Variants in SNX8 observed in about 807,000 individuals in gnomAD.
SNX8 encodes sorting nexin-8.
Under a neutral mutation model 51.6 loss-of-function variants are expected in SNX8, and 25 were observed. The ratio of observed to expected loss-of-function variants is 0.48; its 90% CI spans 0.35 to 0.68. The LOEUF is 0.68. Ranked by LOEUF, SNX8 falls within the 30% of genes least tolerant of loss-of-function variation. SNX8 has a pLI of 0.00. For missense variants in SNX8, 695 were observed against 624.0 expected (o/e 1.11, Z -1.21); for synonymous variants, 324 against 277.0 (o/e 1.17, Z -1.68).
chr7:2,279,352 C>T (rs1795858081), intron 1 of SNX8, among the ~76,000 whole-genome samples: 1 of 151,972 alleles, frequency 6.6e-6, no homozygotes, highest in Non-Finnish European at 1.5e-5. Flanking sequence ...ACTACGGAGT[C>T]GACGCTGGAC....
intron 4 of SNX8, 49 bp downstream of exon 4, chr7:2,271,801 G>A: frequency 6.4e-7 from 1 of 1,557,500 alleles, no homozygotes; most frequent in African/African-American, 1.4e-5. Context: ...GGGTCCGGAG[G>A]CTCGGGGACT....
At chr7:2,314,492 G>T (rs965791130), upstream of SNX8, 89 of 1,164,540 alleles carry the variant, frequency 7.6e-5, no homozygotes, top group Non-Finnish European at 8.8e-5. Flanking sequence ...CCGCGCCCTC[G>T]CCCCGCCCAC....
intron 10 of SNX8, among the ~76,000 whole-genome samples, chr7:2,256,165 T>TA (rs1795172703): frequency 7.6e-5 from 7 of 92,506 alleles, no homozygotes; most frequent in African/African-American, 3.8e-4. Context: ...ACGGCGGCTG[T>TA]CTACCGCCTC....
intron 1 of SNX8, among the ~76,000 whole-genome samples, chr7:2,324,464 G>T (rs1319106763): frequency 6.6e-6 from 1 of 151,650 alleles, no homozygotes; most frequent in African/African-American, 2.4e-5. Context: ...CTAATTTTTT[G>T]TATTTTAGTA....
chr7:2,270,314 C>CCAAAA lies in SNX8; in HGVS notation c.541-676_541-675insTTTTG, dbSNP rs559183262. Among the ~76,000 whole-genome samples the CCAAAA allele has an allele frequency of 3.5e-5, 2 of 57,088 alleles. 1 individual carries two copies. The highest frequency in any genetic ancestry group is 5.7e-5 in the Non-Finnish European group (2 of 35,248). The allele number at this position is 57,088 out of a possible 152,430, so 37.5% of individuals were successfully genotyped here. ...ATCATCTGACTCAACTCTCATTTTA[C>CCAAAA]AAAAAAAAAAAAAAAAAAAAAAAAA... On this transcript the variant is annotated intron_variant, in intron 4 of 10. Transcript: ENST00000222990.
intron 1 of SNX8, among the ~76,000 whole-genome samples, chr7:2,341,114 A>T (rs1246791759): frequency 6.6e-6 from 1 of 151,452 alleles, no homozygotes; most frequent in Non-Finnish European, 1.5e-5. Flanking sequence ...GGGCTGCAAC[A>T]GGCTGTGATC....
chr7:2,339,861 G>A (rs575918496), intron 1 of SNX8, among the ~76,000 whole-genome samples: 68 of 152,164 alleles, frequency 4.5e-4, no homozygotes, highest in South Asian at 1.9e-3. Context: ...GCCCAGAAAC[G>A]GAACCATGTA....
chr7:2,277,401 G>T (rs1285859471), intron 2 of SNX8, among the ~76,000 whole-genome samples: 1 of 152,166 alleles, frequency 6.6e-6, no homozygotes, highest in Non-Finnish European at 1.5e-5. Flanking sequence ...GTCCGGAGTC[G>T]ATGGGGCTGA....
intron 1 of SNX8, among the ~76,000 whole-genome samples, chr7:2,300,699 G>A (rs1207325210): frequency 1.3e-5 from 2 of 151,914 alleles, no homozygotes; most frequent in African/African-American, 4.8e-5. Context: ...CTGGAGTGCA[G>A]TGGTGCAATC....
intron 1 of SNX8, among the ~76,000 whole-genome samples, chr7:2,346,993 T>G (rs2115250605): frequency 6.7e-6 from 1 of 149,134 alleles, no homozygotes; most frequent in South Asian, 2.2e-4. Context: ...CATGCCTCAC[T>G]CCTCTACATT....
At chr7:2,276,536 C>A (rs1795784922) in intron 2 of SNX8, among the ~76,000 whole-genome samples, 1 of 151,880 alleles carries the variant, frequency 6.6e-6, no homozygotes, top group African/African-American at 2.4e-5. Context: ...GGTGCAGTGG[C>A]TCATGCCTGT....
At chr7:2,344,183 G>A (rs1049305154) in intron 1 of SNX8, among the ~76,000 whole-genome samples, 2 of 151,866 alleles carry the variant, frequency 1.3e-5, no homozygotes, top group African/African-American at 4.8e-5. Context: ...GGGCGACAGA[G>A]CAAGACTCAG....
chr7:2,270,966 G>A (rs887562968), intron 4 of SNX8, among the ~76,000 whole-genome samples: 1 of 152,224 alleles, frequency 6.6e-6, no homozygotes, highest in African/African-American at 2.4e-5. Flanking sequence ...CACAGGTGGA[G>A]GAGAAGCACA....
At chr7:2,313,253 C>A (rs974297315) in intron 1 of SNX8, among the ~76,000 whole-genome samples, 1 of 151,750 alleles carries the variant, frequency 6.6e-6, no homozygotes, top group Non-Finnish European at 1.5e-5. Flanking sequence ...AGGCCAGGCG[C>A]GGTGGCTCAC....
intron 1 of SNX8, among the ~76,000 whole-genome samples, chr7:2,352,739 G>C (rs1033304007): frequency 6.6e-6 from 1 of 152,116 alleles, no homozygotes; most frequent in Admixed American, 6.6e-5. Context: ...GGGAGGCTGA[G>C]GCAAGAGAAT....
At chr7:2,270,014 G>A (rs537914826) in intron 4 of SNX8, among the ~76,000 whole-genome samples, 2 of 152,224 alleles carry the variant, frequency 1.3e-5, no homozygotes, top group Admixed American at 6.5e-5. Flanking sequence ...AGAGATACCT[G>A]AGACCCTGGT....
upstream of SNX8, among the ~76,000 whole-genome samples, chr7:2,315,357 C>T (rs887843117): frequency 2.4e-4 from 36 of 150,298 alleles, no homozygotes; most frequent in African/African-American, 6.3e-4. Context: ...TGCATTCACT[C>T]ATTCACTCAC....
chr7:2,283,869 C>T (rs955007883), intron 1 of SNX8, among the ~76,000 whole-genome samples: 19 of 152,218 alleles, frequency 1.2e-4, no homozygotes, highest in African/African-American at 4.6e-4. Flanking sequence ...AATCTTGGCT[C>T]ACTGCAACCT....
chr7:2,257,465 G>A lies in SNX8; in HGVS notation c.1034C>T (p.Ala345Val). Reference protein sequence around the residue: ...EKGVLHKHQRALHKYSLMKRQ... With the variant: ...EKGVLHKHQRVLHKYSLMKRQ... Reference sequence around the variant, plus strand: ...CTTCATCAGGCTGTACTTGTGCAGGGCCCGCTGGTGCTTGTGCAACACGCC... The same window carrying A: ...CTTCATCAGGCTGTACTTGTGCAGGACCCGCTGGTGCTTGTGCAACACGCC... Residue 345 changes from alanine to valine, a missense_variant, in exon 9 of 11, where the codon GCC becomes GTC. Ala to Val is a moderately conservative substitution (Grantham distance 64). Coordinates refer to ENST00000222990, the MANE Select transcript of SNX8 (RefSeq NM_013321.4). The A allele has an allele frequency of 3.7e-6, 6 of 1,607,634 alleles. No homozygotes were observed. The highest frequency in any genetic ancestry group is 2.2e-5 in the East Asian group (1 of 44,648).
Sources: gnomAD v4.1 joint callset for allele counts (sites outside exome capture counted in the v4.1 genomes callset) on GRCh38, gnomAD v4.1.1 for gene constraint, MANE v1.5 for transcripts, NCBI Gene and HGNC (gene_info 2026-07-23, HGNC 2026-07-21) for gene names.